The following RABGAP1L variants were observed in gnomAD, a reference collection of about 807,000 sequenced individuals.
RABGAP1L encodes RAB GTPase activating protein 1 like.
Under a neutral mutation model 137.7 loss-of-function variants are expected in RABGAP1L, and 63 were observed. The observed-to-expected ratio is 0.46, with a 90% CI of 0.37 to 0.56. The LOEUF (loss-of-function observed/expected upper bound fraction) is 0.56, where lower values mean the gene tolerates loss of function less well. Among genes scored for constraint, RABGAP1L ranks in the 20% least tolerant of loss-of-function variants. The pLI, the probability that RABGAP1L is intolerant of heterozygous loss-of-function variation, is 0.00. For missense variants in RABGAP1L, 1,095 were observed against 1,244.0 expected, an observed-to-expected ratio of 0.88 and a Z score of 1.80; for synonymous variants, 431 against 433.7, an observed-to-expected ratio of 0.99 and a Z score of 0.08.
At chr1:174,615,884 G>T (rs548185043) in intron 13 of RABGAP1L, among the ~76,000 whole-genome samples, 30 of 152,374 alleles carry the variant, frequency 2.0e-4, no homozygotes, top group East Asian at 5.8e-4. Context: ...CTCCGAGCCA[G>T]GTGCAGGATA....
At chr1:174,781,280 T>G (rs993817878) in intron 18 of RABGAP1L, among the ~76,000 whole-genome samples, 1 of 152,222 alleles carries the variant, frequency 6.6e-6, no homozygotes, top group Admixed American at 6.5e-5. Flanking sequence ...TGTGAGATGA[T>G]ATCTCATTGT....
chr1:174,921,627 G>A (rs529285742), intron 19 of RABGAP1L, among the ~76,000 whole-genome samples: 92 of 152,248 alleles, frequency 6.0e-4, no homozygotes, highest in African/African-American at 2.0e-3. Context: ...AAAGTAATCC[G>A]GAAATCAATG....
intron 19 of RABGAP1L, among the ~76,000 whole-genome samples, chr1:174,888,579 G>T (rs537794686): frequency 1.3e-5 from 2 of 151,684 alleles, no homozygotes; most frequent in African/African-American, 2.4e-5. Flanking sequence ...TCACTGTGTC[G>T]CCCAGGCTGG....
chr1:174,244,966 A>G (rs1388568268), intron 5 of RABGAP1L: 3 of 152,202 alleles, frequency 2.0e-5, no homozygotes, highest in African/African-American at 4.8e-5. Context: ...ATACTTCTTG[A>G]TAAATATCAA....
At chr1:174,893,081 T>C in intron 19 of RABGAP1L, 1 of 360,396 alleles carries the variant, frequency 2.8e-6, no homozygotes, top group Non-Finnish European at 5.7e-6. Flanking sequence ...ATTATCATTT[T>C]GTATTGGAAA....
intron 15 of RABGAP1L, among the ~76,000 whole-genome samples, chr1:174,686,323 A>G (rs1229021492): frequency 6.6e-6 from 1 of 151,938 alleles, no homozygotes; most frequent in African/African-American, 2.4e-5. Context: ...CCTCTGTTAC[A>G]TTATTATCTG....
At chr1:174,318,451 TTTTTG>T (rs759042286) in intron 11 of RABGAP1L, among the ~76,000 whole-genome samples, 5 of 152,054 alleles carry the variant, frequency 3.3e-5, no homozygotes, top group African/African-American at 1.2e-4. Flanking sequence ...GGGCGTTGTG[TTTTTG>T]TTTTGTTTTG....
chr1:174,621,568 T>C (rs1167817209), intron 13 of RABGAP1L, among the ~76,000 whole-genome samples: 1 of 152,140 alleles, frequency 6.6e-6, no homozygotes, highest in African/African-American at 2.4e-5. Context: ...AACCATCTGA[T>C]CTTTGACAAA....
chr1:174,707,481 C>T lies in RABGAP1L; in HGVS notation c.2169+5225C>T, dbSNP rs536946691. On this transcript the variant is annotated intron_variant, in intron 17 of 25. Transcript: ENST00000681986. Reference sequence around the variant, plus strand: ...AGTCTTACAAAGAGCAATGTAGAGACGGTATGACATTTGAGTTAGGATATT... The same window carrying T: ...AGTCTTACAAAGAGCAATGTAGAGATGGTATGACATTTGAGTTAGGATATT... Among the ~76,000 whole-genome samples, 7 of 152,234 alleles carry T rather than the reference C, an allele frequency of 4.6e-5. No homozygotes were observed. The East Asian group carries it at 9.7e-4, about 21-fold the overall frequency.
At chr1:174,925,883 T>G (rs867084112) in intron 19 of RABGAP1L, among the ~76,000 whole-genome samples, 2,083 of 142,960 alleles carry the variant, frequency 0.015, 32 homozygotes, top group Middle Eastern at 0.056. Context: ...TTTGTTTTTT[T>G]TTTGTGTTTT....
chr1:174,282,733 C>T (rs1675687299), intron 10 of RABGAP1L, among the ~76,000 whole-genome samples: 2 of 152,056 alleles, frequency 1.3e-5, no homozygotes, highest in African/African-American at 4.8e-5. Flanking sequence ...CCTGTAAAGA[C>T]TTTATAGTTT....
At chr1:174,814,520 A>T (rs1489010442) in intron 19 of RABGAP1L, among the ~76,000 whole-genome samples, 2 of 152,154 alleles carry the variant, frequency 1.3e-5, no homozygotes, top group Non-Finnish European at 2.9e-5. Flanking sequence ...TTGTGCTGGG[A>T]CTAGAATGTA....
At chr1:174,611,665 A>G (rs1033881117) in intron 13 of RABGAP1L, among the ~76,000 whole-genome samples, 1 of 150,916 alleles carries the variant, frequency 6.6e-6, no homozygotes, top group African/African-American at 2.5e-5. Context: ...CATTTTCACG[A>G]TATTGATTCT....
At chr1:174,653,988 A>C (rs565647456) in intron 14 of RABGAP1L, among the ~76,000 whole-genome samples, 1 of 152,312 alleles carries the variant, frequency 6.6e-6, no homozygotes, top group South Asian at 2.1e-4. Flanking sequence ...TGGTTGTAAG[A>C]GAAAATAGGG....
At chr1:174,293,791 A>G (rs1349887449) in intron 10 of RABGAP1L, among the ~76,000 whole-genome samples, 1 of 152,174 alleles carries the variant, frequency 6.6e-6, no homozygotes, top group Non-Finnish European at 1.5e-5. Context: ...ACAGTGTGGT[A>G]GGCATTATGC....
intron 20 of RABGAP1L, among the ~76,000 whole-genome samples, chr1:174,968,919 T>A (rs1331693983): frequency 6.6e-6 from 1 of 152,192 alleles, no homozygotes; most frequent in Non-Finnish European, 1.5e-5. Context: ...AGGGTGAGAC[T>A]ACCGTGCATG....
At chr1:174,358,524 T>C (rs568340445) in intron 11 of RABGAP1L, among the ~76,000 whole-genome samples, 1 of 152,276 alleles carries the variant, frequency 6.6e-6, no homozygotes, top group Admixed American at 6.5e-5. Flanking sequence ...TTTGGCTTGA[T>C]TGTAGAAAGG....
chr1:174,255,869 A>C (rs1416511976), intron 7 of RABGAP1L, among the ~76,000 whole-genome samples: 2 of 152,146 alleles, frequency 1.3e-5, no homozygotes. Flanking sequence ...ATACACACAC[A>C]GTTGTTTTCC....
At chr1:174,306,794 G>A (rs1206900590) in intron 11 of RABGAP1L, among the ~76,000 whole-genome samples, 1 of 151,974 alleles carries the variant, frequency 6.6e-6, no homozygotes, top group Non-Finnish European at 1.5e-5. Flanking sequence ...ATATGGCTCT[G>A]TGCTCAATAC....
Sources: gnomAD v4.1 joint callset for allele counts (sites outside exome capture counted in the v4.1 genomes callset) on GRCh38, gnomAD v4.1.1 for gene constraint, MANE v1.5 for transcripts, NCBI Gene and HGNC (gene_info 2026-07-23, HGNC 2026-07-21) for gene names.